Variants in ALPK2 observed in about 807,000 individuals in gnomAD.
ALPK2 encodes the protein alpha-protein kinase 2.
A neutral mutation model predicts 163.1 loss-of-function variants in ALPK2; 127 were observed. The ratio of observed to expected loss-of-function variants is 0.78; its 90% CI spans 0.67 to 0.90. The LOEUF is 0.90. ALPK2 is among the 40% of genes least tolerant of loss of function. ALPK2 has a pLI of 0.00. For missense variants in ALPK2, 2,360 were observed against 2,589.6 expected, an observed-to-expected ratio of 0.91 and a Z score of 1.92; for synonymous variants, 953 against 959.1, an observed-to-expected ratio of 0.99 and a Z score of 0.12.
At chr18:58,552,220 A>AT (rs1202267072) in intron 4 of ALPK2, among the ~76,000 whole-genome samples, 1 of 151,946 alleles carries the variant, frequency 6.6e-6, no homozygotes, top group Non-Finnish European at 1.5e-5. Flanking sequence ...CCTACCTCCC[A>AT]CCCCAACCCC....
At chr18:58,624,205 G>A (rs994284813) in intron 1 of ALPK2, among the ~76,000 whole-genome samples, 5 of 152,198 alleles carry the variant, frequency 3.3e-5, no homozygotes, top group South Asian at 4.1e-4. Flanking sequence ...GGGTGACCAA[G>A]TCAGTGCAAA....
intron 4 of ALPK2, among the ~76,000 whole-genome samples, chr18:58,564,130 T>TTTTTTTTTC (rs1238515375): frequency 7.2e-6 from 1 of 137,982 alleles, no homozygotes; most frequent in Non-Finnish European, 1.5e-5. Context: ...GTTCTTTTTT[T>TTTTTTTTTC]TTTTTTTTTG....
At chr18:58,548,651 C>A (rs1026961130) in intron 4 of ALPK2, among the ~76,000 whole-genome samples, 2 of 152,102 alleles carry the variant, frequency 1.3e-5, no homozygotes, top group African/African-American at 4.8e-5. Flanking sequence ...CAGAAAATAA[C>A]CCCTCTGGCA....
intron 3 of ALPK2, among the ~76,000 whole-genome samples, chr18:58,595,642 A>C (rs1283740881): frequency 6.6e-6 from 1 of 152,132 alleles, no homozygotes. Flanking sequence ...AGTGGACTAG[A>C]CCAGTTGGAT....
chr18:58,597,871 T>C (rs1342588804), intron 3 of ALPK2, among the ~76,000 whole-genome samples: 2 of 152,202 alleles, frequency 1.3e-5, no homozygotes, highest in African/African-American at 2.4e-5. Context: ...ATTAGTGCCC[T>C]TAGAAGAGAT....
At chr18:58,489,256 G>A (rs1005627878) in intron 12 of ALPK2, among the ~76,000 whole-genome samples, 1 of 152,160 alleles carries the variant, frequency 6.6e-6, no homozygotes, top group Non-Finnish European at 1.5e-5. Flanking sequence ...GAGGATGTGT[G>A]AAAATGTTTC....
chr18:58,551,184 A>C (rs372653576), intron 4 of ALPK2, among the ~76,000 whole-genome samples: 1 of 151,942 alleles, frequency 6.6e-6, no homozygotes, highest in African/African-American at 2.4e-5. Context: ...CCTGTTTCCT[A>C]GGGCTGCAAA....
chr18:58,573,613 C>CTTTTTTTTTTTTTTTTTTTTTTT (rs778622176), intron 4 of ALPK2, among the ~76,000 whole-genome samples: 4 of 51,740 alleles, frequency 7.7e-5, no homozygotes, highest in Non-Finnish European at 9.7e-5. Flanking sequence ...TTTTTGTCTT[C>CTTTTTTTTTTTTTTTTTTTTTTT]TTTTTTTTTT....
intron 1 of ALPK2, among the ~76,000 whole-genome samples, chr18:58,612,934 G>A (rs2052140980): frequency 6.6e-6 from 1 of 152,152 alleles, no homozygotes; most frequent in Non-Finnish European, 1.5e-5. Context: ...AGCCTGAACA[G>A]GGAAGGGGCG....
At chr18:58,565,798 CCTTTCTTT>C (rs2051849809) in intron 4 of ALPK2, among the ~76,000 whole-genome samples, 1 of 147,098 alleles carries the variant, frequency 6.8e-6, no homozygotes, top group South Asian at 2.1e-4. Flanking sequence ...TTCCTTTCTT[CCTTTCTTT>C]CTCTTTTTTG....
chr18:58,605,870 T>C (rs1208214057), intron 3 of ALPK2, among the ~76,000 whole-genome samples: 1 of 152,202 alleles, frequency 6.6e-6, no homozygotes, highest in Non-Finnish European at 1.5e-5. Context: ...AGTTGACATT[T>C]TGTAAGGGTG....
At chr18:58,584,357 T>G (rs1288034291) in intron 3 of ALPK2, among the ~76,000 whole-genome samples, 1 of 152,170 alleles carries the variant, frequency 6.6e-6, no homozygotes, top group Non-Finnish European at 1.5e-5. Context: ...GCTGGGTGAC[T>G]CCTACATTAA....
At chr18:58,620,935 C>T (rs962655221) in intron 1 of ALPK2, among the ~76,000 whole-genome samples, 3 of 152,088 alleles carry the variant, frequency 2.0e-5, no homozygotes, top group South Asian at 2.1e-4. Flanking sequence ...GTGGGTGGAT[C>T]GCTTGAGCCC....
chr18:58,516,336 A>G (rs927202122), intron 9 of ALPK2, among the ~76,000 whole-genome samples: 2 of 152,190 alleles, frequency 1.3e-5, no homozygotes, highest in African/African-American at 4.8e-5. Context: ...CTCGAGTTCT[A>G]TGACTCAATA....
rs1406302807 is a variant in ALPK2 at position 58,481,939 on chromosome 18, G to A, written c.6397C>T (p.Leu2133Phe). The A allele has an allele frequency of 6.2e-7, 1 of 1,614,160 alleles. No homozygotes were observed. Among genetic ancestry groups the A allele is most frequent in the South Asian group, 1.1e-5 (1 of 91,084 alleles). ...KYCKMLGLKSLQNNNQKQKQP... is the reference protein window; with the variant it reads ...KYCKMLGLKSFQNNNQKQKQP... ...TTCTGTTTCTGGTTGTTGTTTTGAA[G>A]GGATTTCAGTCCCAGCATTTTGCAA... Residue 2133 changes from leucine to phenylalanine, a missense_variant, in exon 13 of 13, where the codon CTT (leucine) becomes TTT (phenylalanine). Leu to Phe is a conservative substitution (Grantham distance 22). Coordinates refer to ENST00000361673, the MANE Select transcript of ALPK2 (RefSeq NM_052947.4).
At chr18:58,487,926 C>G (rs1052552466) in intron 12 of ALPK2, among the ~76,000 whole-genome samples, 3 of 152,120 alleles carry the variant, frequency 2.0e-5, no homozygotes, top group African/African-American at 7.2e-5. Context: ...CTATATTCCC[C>G]CTGGATGAGA....
intron 3 of ALPK2, among the ~76,000 whole-genome samples, 162 bp downstream of exon 3, chr18:58,607,160 A>G (rs1342290406): frequency 2.6e-5 from 4 of 152,264 alleles, no homozygotes; most frequent in Non-Finnish European, 5.9e-5. Flanking sequence ...AGCTCAGGAA[A>G]TCATCATTGC....
At chr18:58,575,313 C>T (rs2051914157) in intron 4 of ALPK2, among the ~76,000 whole-genome samples, 1 of 152,126 alleles carries the variant, frequency 6.6e-6, no homozygotes, top group African/African-American at 2.4e-5. Flanking sequence ...TTGTCTATTA[C>T]ACGGCAGGCA....
At chr18:58,532,514 G>A (rs889136068) in intron 5 of ALPK2, among the ~76,000 whole-genome samples, 4 of 152,150 alleles carry the variant, frequency 2.6e-5, no homozygotes, top group African/African-American at 9.7e-5. Flanking sequence ...CCTTCTGGCC[G>A]AGGCCCTGAG....
Sources: gnomAD v4.1 joint callset for allele counts (sites outside exome capture counted in the v4.1 genomes callset) on GRCh38, gnomAD v4.1.1 for gene constraint, MANE v1.5 for transcripts, NCBI Gene and HGNC (gene_info 2026-07-23, HGNC 2026-07-21) for gene names.